The following SPAG16 variants were observed in gnomAD, a reference collection of about 807,000 sequenced individuals.
The protein encoded by SPAG16 is sperm associated antigen 16.
Under a neutral mutation model 80.4 loss-of-function variants are expected in SPAG16, and 86 were observed. The observed-to-expected ratio is 1.07, with a 90% CI of 0.90 to 1.28. SPAG16 has a LOEUF of 1.28. Ranked by LOEUF, SPAG16 falls within the 50% of genes most tolerant of loss-of-function variation. The probability of loss-of-function intolerance (pLI) is 0.00; values close to 1 mark genes in which losing one functional copy is unlikely to be tolerated. For missense variants in SPAG16, 870 were observed against 765.3 expected (o/e 1.14, Z -1.61); for synonymous variants, 294 against 265.9 (o/e 1.11, Z -1.03).
chr2:214,401,512 T>A (rs1216798468), intron 15 of SPAG16, among the ~76,000 whole-genome samples: 1 of 151,942 alleles, frequency 6.6e-6, no homozygotes, highest in African/African-American at 2.4e-5. Context: ...GAATAAAATA[T>A]AAAATGAGTA....
chr2:213,304,561 A>G (rs2062864838), intron 3 of SPAG16, among the ~76,000 whole-genome samples: 1 of 152,120 alleles, frequency 6.6e-6, no homozygotes, highest in Non-Finnish European at 1.5e-5. Context: ...GTGTATGACA[A>G]GGGATAGGGG....
intron 10 of SPAG16, among the ~76,000 whole-genome samples, chr2:213,819,136 G>T (rs1263290739): frequency 6.6e-6 from 1 of 152,178 alleles, no homozygotes; most frequent in African/African-American, 2.4e-5. Context: ...GCTCCAAAAT[G>T]TGTAGAGATA....
At chr2:213,964,132 G>A (rs2044590351) in intron 12 of SPAG16, among the ~76,000 whole-genome samples, 1 of 152,114 alleles carries the variant, frequency 6.6e-6, no homozygotes, top group Non-Finnish European at 1.5e-5. Flanking sequence ...AAATGGCTCA[G>A]TATTTGCCTA....
At chr2:214,387,985 A>G (rs1405200883) in intron 15 of SPAG16, among the ~76,000 whole-genome samples, 3 of 151,058 alleles carry the variant, frequency 2.0e-5, no homozygotes, top group Admixed American at 2.0e-4. Context: ...TCTCCAAGTG[A>G]TGAAAAAAAT....
intron 1 of SPAG16, among the ~76,000 whole-genome samples, chr2:213,291,859 CTG>C (rs2062287614): frequency 6.6e-6 from 1 of 152,142 alleles, no homozygotes. Context: ...ATGGGTATAT[CTG>C]TGCTGTTTGA....
chr2:213,351,669 A>C (rs1341545275), intron 7 of SPAG16, among the ~76,000 whole-genome samples: 4 of 152,172 alleles, frequency 2.6e-5, no homozygotes, highest in Non-Finnish European at 5.9e-5. Flanking sequence ...TTGAGAAGCT[A>C]CAAAAGCTTA....
intron 10 of SPAG16, among the ~76,000 whole-genome samples, chr2:213,626,597 T>C (rs1177492919): frequency 6.6e-6 from 1 of 151,610 alleles, no homozygotes; most frequent in Non-Finnish European, 1.5e-5. Context: ...ATTTGACAAT[T>C]ACAAGTTTGC....
chr2:213,372,560 A>T (rs2125187564), intron 8 of SPAG16, among the ~76,000 whole-genome samples: 1 of 152,240 alleles, frequency 6.6e-6, no homozygotes, highest in South Asian at 2.1e-4. Flanking sequence ...TCATGTAATT[A>T]TTAGACTATA....
intron 10 of SPAG16, among the ~76,000 whole-genome samples, chr2:213,741,398 T>C (rs1337326295): frequency 6.6e-6 from 1 of 152,302 alleles, no homozygotes; most frequent in East Asian, 1.9e-4. Flanking sequence ...AGTCTGAGTA[T>C]GCTCCATTGC....
intron 12 of SPAG16, among the ~76,000 whole-genome samples, chr2:213,933,551 G>A (rs1012872975): frequency 2.6e-5 from 4 of 152,196 alleles, no homozygotes; most frequent in Non-Finnish European, 4.4e-5. Context: ...CTTGTAGCTC[G>A]AAGGAGAAGG....
At chr2:214,163,633 T>G (rs897475902) in intron 15 of SPAG16, among the ~76,000 whole-genome samples, 9 of 114,376 alleles carry the variant, frequency 7.9e-5, no homozygotes, top group African/African-American at 2.1e-4. Context: ...TATACATATA[T>G]ATATAGAGAG....
intron 13 of SPAG16, among the ~76,000 whole-genome samples, chr2:214,045,484 G>T (rs1375328636): frequency 6.6e-6 from 1 of 152,188 alleles, no homozygotes; most frequent in Non-Finnish European, 1.5e-5. Context: ...TAACTATGGG[G>T]AGAGACTCTT....
intron 14 of SPAG16, among the ~76,000 whole-genome samples, chr2:214,121,205 A>G (rs1422299620): frequency 6.6e-6 from 1 of 151,866 alleles, no homozygotes; most frequent in African/African-American, 2.4e-5. Flanking sequence ...ATATTCATAA[A>G]AGGAGATGAA....
intron 10 of SPAG16, among the ~76,000 whole-genome samples, chr2:213,516,421 T>C (rs374737964): frequency 6.6e-6 from 1 of 152,172 alleles, no homozygotes; most frequent in Non-Finnish European, 1.5e-5. Context: ...AATGAACTTA[T>C]CTTAGTGCTT....
chr2:214,030,745 C>T (rs775401356), intron 13 of SPAG16, among the ~76,000 whole-genome samples: 1 of 152,186 alleles, frequency 6.6e-6, no homozygotes, highest in Non-Finnish European at 1.5e-5. Flanking sequence ...TACCTCTCCC[C>T]CTAACCTCAC....
At chr2:213,747,556 T>G (rs2067883685) in intron 10 of SPAG16, among the ~76,000 whole-genome samples, 1 of 152,224 alleles carries the variant, frequency 6.6e-6, no homozygotes. Flanking sequence ...ACTGTATTTT[T>G]TGCACAAATT....
intron 10 of SPAG16, among the ~76,000 whole-genome samples, chr2:213,777,807 G>A (rs749598520): frequency 6.6e-6 from 1 of 152,150 alleles, no homozygotes; most frequent in Non-Finnish European, 1.5e-5. Context: ...AAAGTGCTGG[G>A]ATTACAGACT....
intron 12 of SPAG16, among the ~76,000 whole-genome samples, chr2:213,973,914 G>A (rs2045220146): frequency 6.6e-6 from 1 of 152,098 alleles, no homozygotes; most frequent in South Asian, 2.1e-4. Context: ...GTGGAAGACG[G>A]ACCCTCAAGA....
chr2:213,830,493 G>T (rs1015634093), intron 10 of SPAG16, among the ~76,000 whole-genome samples: 1 of 152,094 alleles, frequency 6.6e-6, no homozygotes, highest in Non-Finnish European at 1.5e-5. Context: ...TATAAAGGTG[G>T]TTTTTTTGTG....
Sources: allele counts gnomAD v4.1 joint callset (sites outside exome capture counted in the v4.1 genomes callset), GRCh38; gene constraint gnomAD v4.1.1; transcripts MANE v1.5; gene names NCBI Gene and HGNC (gene_info 2026-07-23, HGNC 2026-07-21).